The following DCAF12 variants were observed in gnomAD, a reference collection of about 807,000 sequenced individuals.
DCAF12 encodes DDB1 and CUL4 associated factor 12.
DCAF12 carries 28 observed loss-of-function variants against 52.8 expected under a neutral mutation model. The observed-to-expected ratio is 0.53, with a 90% CI of 0.39 to 0.73. The LOEUF (loss-of-function observed/expected upper bound fraction) is 0.73, where lower values mean the gene tolerates loss of function less well. Ranked by LOEUF, DCAF12 falls within the 30% of genes least tolerant of loss-of-function variation. The pLI, the probability that DCAF12 is intolerant of heterozygous loss-of-function variation, is 0.00. For missense variants in DCAF12, 425 were observed against 552.2 expected (o/e 0.77, Z 2.31); for synonymous variants, 196 against 215.5 (o/e 0.91, Z 0.79).
intron 8 of DCAF12, 58 bp from the exon 9 acceptor site, chr9:34,088,566 G>A (rs1828595969): frequency 6.3e-7 from 1 of 1,591,340 alleles, no homozygotes; most frequent in Non-Finnish European, 8.6e-7. Context: ...AGGAAAAGGG[G>A]GAGGAAGGGA....
At chr9:34,096,659 G>T in intron 6 of DCAF12, 57 bp downstream of exon 6, 2 of 1,445,774 alleles carry the variant, frequency 1.4e-6, no homozygotes, top group Non-Finnish European at 1.9e-6. Flanking sequence ...TAGAATTACA[G>T]TATTTTAACT....
chr9:34,093,596 C>T, intron 6 of DCAF12, 148 bp from the exon 7 acceptor site: 1 of 779,290 alleles, frequency 1.3e-6, no homozygotes, highest in Middle Eastern at 3.3e-4. Context: ...TCTGTTCCAC[C>T]CCTAGGTATA....
chr9:34,086,755 GTC>G lies in DCAF12; in HGVS notation c.*1593_*1594del, dbSNP rs2131422559. 6.6e-6 allele frequency: 1 copy of G among 152,224 alleles called. No homozygotes were observed. The highest frequency in any genetic ancestry group is 2.1e-4 in the South Asian group (1 of 4,828). The allele number at this position is 152,224 out of a possible 1,614,324, so 9.4% of individuals were successfully genotyped here. A position where few individuals can be genotyped will look rare whatever the true frequency, so the allele number is the denominator to read the frequency against. Reference sequence around the variant, plus strand: ...TGTAACAAGTTAGGGTGGACTTGCTGTCTCTCCTCTCCAGTAGCCCCCCACCA... The same window carrying G: ...TGTAACAAGTTAGGGTGGACTTGCTGTCTCCTCTCCAGTAGCCCCCCACCA... On this transcript the variant is annotated 3_prime_UTR_variant, in exon 9 of 9. Transcript: ENST00000361264.
chr9:34,089,475 A>C lies in DCAF12; in HGVS notation c.1140T>G (p.Cys380Trp), dbSNP rs763053079. ...CTGCTAGTCTGGGCTTGGACCCATA[A>C]CAAGCTGAGAGCCTCTCTTCCAGAA... ...QRFLEERLSA[C>W]YGSKPRLAGE... The change falls in exon 8 of 9, where the codon TGT becomes TGG. Residue 380 changes from cysteine (C) to tryptophan (W), a missense_variant. Physicochemically the swap from Cys to Trp is radical, Grantham distance 215. Around this residue, in one of 3 missense-constraint regions of DCAF12, gnomAD observed 328 missense variants for 444.4 expected, o/e 0.74. Transcript: ENST00000361264. 3 of 1,614,096 alleles carry C rather than the reference A, an allele frequency of 1.9e-6. No homozygotes were observed. The South Asian group carries it at 3.3e-5, about 18-fold the overall frequency.
chr9:34,094,224 G>GT (rs1357831243), intron 6 of DCAF12, among the ~76,000 whole-genome samples: 1 of 152,022 alleles, frequency 6.6e-6, no homozygotes, highest in Non-Finnish European at 1.5e-5. Flanking sequence ...GGCCAACCTG[G>GT]TGAGATGCCA....
rs768109717 is a variant in DCAF12, at chr9:34,125,178, C to A, written c.178G>T (p.Glu60Ter). The A allele has an allele frequency of 6.2e-7, 1 of 1,614,150 alleles. No homozygotes were observed. Among genetic ancestry groups the A allele is most frequent in the Non-Finnish European group, 8.5e-7 (1 of 1,180,040 alleles). The change falls in exon 2 of 9, where the codon GAA (glutamate) becomes TAA (stop). Residue 60 changes from glutamate (E) to a stop codon, truncating the protein, a stop_gained. Transcript: ENST00000361264. LOFTEE classifies it high-confidence loss of function. ...TGCAACACTCGAGAGTAGCTGGTTTCATTCTGTAGCCTGACTTCCCGGTTC... is the reference window on the plus strand; with the variant it reads ...TGCAACACTCGAGAGTAGCTGGTTTAATTCTGTAGCCTGACTTCCCGGTTC... ...LKNREVRLQN[E>*]TSYSRVLHGY...
intron 2 of DCAF12, among the ~76,000 whole-genome samples, chr9:34,123,822 A>G (rs1587743837): frequency 6.6e-6 from 1 of 151,880 alleles, no homozygotes; most frequent in East Asian, 1.9e-4. Context: ...AGTGACAAGG[A>G]TGACAGTTCT....
intron 1 of DCAF12, 65 bp from the exon 2 acceptor site, chr9:34,125,342 T>C: frequency 6.4e-7 from 1 of 1,562,298 alleles, no homozygotes; most frequent in Non-Finnish European, 8.7e-7. Context: ...CCTACTGTAT[T>C]ACAGAAATCA....
At position 34,126,524 on chromosome 9, in the gene DCAF12, C is replaced by T. The variant is rs1454239259; in HGVS notation, c.-93G>A. On this transcript the variant is annotated 5_prime_UTR_variant, in exon 1 of 9. Coordinates refer to ENST00000361264, the MANE Select transcript of DCAF12 (RefSeq NM_015397.4). ...GGTCATATACTGGGCCCCGGGGCCGCGCACCTTAGTGCGCCCGGCCCGGAA... is the reference window on the plus strand; with the variant it reads ...GGTCATATACTGGGCCCCGGGGCCGTGCACCTTAGTGCGCCCGGCCCGGAA... 7.1e-7 allele frequency: 1 copy of T among 1,412,760 alleles called. No individual in the cohort carries two copies. Among genetic ancestry groups the T allele is most frequent in the Non-Finnish European group, 9.4e-7 (1 of 1,062,050 alleles). The allele number at this position is 1,412,760 out of a possible 1,614,324, so 87.5% of individuals were successfully genotyped here.
rs764926887 is a variant in DCAF12, at chr9:34,106,505, AG to A, written c.541-12del. 6.2e-7 allele frequency: 1 copy of A among 1,605,562 alleles called. No homozygotes were observed. The highest frequency in any genetic ancestry group is 1.7e-4 in the Middle Eastern group (1 of 6,038). On this transcript the variant is annotated splice_polypyrimidine_tract_variant and intron_variant, in intron 3 of 8. Transcript: ENST00000361264. ...GTCCTTGTGTCCATCCTTGGAGAGC[AG>A]GGAGTAACAGGTACAGGGAGGAAAA...
intron 7 of DCAF12, among the ~76,000 whole-genome samples, chr9:34,090,961 T>C (rs952783772): frequency 6.6e-6 from 1 of 151,908 alleles, no homozygotes; most frequent in African/African-American, 2.4e-5. Flanking sequence ...CCCGGCCCTA[T>C]TTATTCCTTT....
At chr9:34,107,233 A>C in intron 3 of DCAF12, 126 bp downstream of exon 3, 1 of 901,016 alleles carries the variant, frequency 1.1e-6, no homozygotes, top group Non-Finnish European at 1.8e-6. Flanking sequence ...CCTTTATCAA[A>C]TATACACTGT....
intron 6 of DCAF12, among the ~76,000 whole-genome samples, chr9:34,094,838 T>C (rs1036787668): frequency 2.6e-5 from 4 of 152,068 alleles, no homozygotes; most frequent in Non-Finnish European, 5.9e-5. Context: ...CCCCGATTTT[T>C]AAATATCTAC....
chr9:34,097,514 C>T (rs1236692773), intron 5 of DCAF12, among the ~76,000 whole-genome samples: 3 of 152,000 alleles, frequency 2.0e-5, no homozygotes, highest in Middle Eastern at 3.4e-3. Context: ...CCTCGGCCTC[C>T]GAAAGTGCAG....
Position 34,088,523 on chromosome 9 carries a change from A to G in DCAF12, c.1204-15T>C. On this transcript the variant is annotated splice_polypyrimidine_tract_variant and intron_variant, in intron 8 of 8. Transcript: ENST00000361264. The stretch of plus-strand genomic sequence containing the variant: ...TCATCATGATTCTACGGGAAGAGAA[A>G]GAGACTACAATTAGCACCTCTAGCC... 4 of 1,614,044 alleles carry G rather than the reference A, an allele frequency of 2.5e-6. No individual in the cohort carries two copies. Among genetic ancestry groups the G allele is most frequent in the Non-Finnish European group, 3.4e-6 (4 of 1,179,944 alleles).
chr9:34,125,423 T>C, intron 1 of DCAF12, 146 bp from the exon 2 acceptor site: 1 of 973,750 alleles, frequency 1.0e-6, no homozygotes, highest in African/African-American at 1.6e-5. Flanking sequence ...AGAATCTCAA[T>C]CCAGAAAGTC....
At chr9:34,096,174 A>AT (rs1828731499) in intron 6 of DCAF12, 1 of 152,362 alleles carries the variant, frequency 6.6e-6, no homozygotes, top group Non-Finnish European at 1.5e-5. Flanking sequence ...TGGGAAACAT[A>AT]GTGAGACTCT....
chr9:34,104,047 T>A (rs1227221965), intron 4 of DCAF12, among the ~76,000 whole-genome samples: 1 of 151,894 alleles, frequency 6.6e-6, no homozygotes, highest in Non-Finnish European at 1.5e-5. Flanking sequence ...TGCAGGCAGA[T>A]CACTTGAAGT....
intron 2 of DCAF12, among the ~76,000 whole-genome samples, chr9:34,114,870 A>C (rs1829060467): frequency 6.6e-6 from 1 of 152,064 alleles, no homozygotes; most frequent in African/African-American, 2.4e-5. Flanking sequence ...GGGAGGCTGA[A>C]GCATGAGGAT....
Sources: allele counts gnomAD v4.1 joint callset (sites outside exome capture counted in the v4.1 genomes callset), GRCh38; gene constraint gnomAD v4.1.1; regional missense constraint gnomAD v4.1.1; transcripts MANE v1.5; gene names NCBI Gene and HGNC (gene_info 2026-07-23, HGNC 2026-07-21).